Variants in HDAC9 observed in about 807,000 individuals in gnomAD.
HDAC9 encodes the protein MEF-2 interacting transcription repressor (MITR) protein.
A neutral mutation model predicts 139.4 loss-of-function variants in HDAC9; 41 were observed. The observed-to-expected ratio is 0.29, with a 90% confidence interval of 0.23 to 0.38. HDAC9 has a LOEUF of 0.38. HDAC9 is among the 10% of genes least tolerant of loss of function. The pLI, the probability that HDAC9 is intolerant of heterozygous loss-of-function variation, is 1.00. For synonymous variants in HDAC9, 517 were observed against 476.2 expected (o/e 1.09, Z -1.12); for missense variants, 1,147 against 1,297.0 (o/e 0.88, Z 1.78).
chr7:18,506,713 A>G (rs1206051739), intron 2 of HDAC9, among the ~76,000 whole-genome samples: 1 of 152,200 alleles, frequency 6.6e-6, no homozygotes, highest in Non-Finnish European at 1.5e-5. Flanking sequence ...TTAATAATAA[A>G]TAACACCAAT....
At chr7:18,841,509 A>G (rs887972768) in intron 21 of HDAC9, among the ~76,000 whole-genome samples, 5 of 152,056 alleles carry the variant, frequency 3.3e-5, no homozygotes, top group African/African-American at 1.2e-4. Flanking sequence ...TTCCACAGGC[A>G]GTTACCACGC....
At chr7:18,351,458 A>G (rs1782842437) in intron 1 of HDAC9, among the ~76,000 whole-genome samples, 1 of 152,150 alleles carries the variant, frequency 6.6e-6, no homozygotes, top group Non-Finnish European at 1.5e-5. Context: ...AAATCCCCCA[A>G]AACAAAAAAA....
intron 22 of HDAC9, among the ~76,000 whole-genome samples, chr7:18,880,820 A>T (rs1241237801): frequency 2.2e-5 from 3 of 135,124 alleles, no homozygotes; most frequent in African/African-American, 8.3e-5. Context: ...TAAGTGATTT[A>T]AAAAAGAATA....
intron 2 of HDAC9, among the ~76,000 whole-genome samples, chr7:18,188,563 T>C (rs1345651601): frequency 6.6e-6 from 1 of 152,154 alleles, no homozygotes; most frequent in Non-Finnish European, 1.5e-5. Flanking sequence ...ACAGGCAACT[T>C]ACAGAATGGG....
intron 17 of HDAC9, among the ~76,000 whole-genome samples, chr7:18,821,191 A>G (rs1039528596): frequency 1.3e-5 from 2 of 152,358 alleles, no homozygotes; most frequent in Non-Finnish European, 2.9e-5. Context: ...TTATGATAGG[A>G]AATGCTCTCA....
chr7:18,254,549 C>T (rs1395571964), intron 2 of HDAC9, among the ~76,000 whole-genome samples: 1 of 152,176 alleles, frequency 6.6e-6, no homozygotes, highest in Admixed American at 6.5e-5. Context: ...TTCCAGTTGG[C>T]TAGAGTAGCA....
At chr7:18,892,806 C>T (rs1462978424) in intron 22 of HDAC9, among the ~76,000 whole-genome samples, 1 of 152,062 alleles carries the variant, frequency 6.6e-6, no homozygotes, top group Non-Finnish European at 1.5e-5. Context: ...TTGTCCCAGA[C>T]ATAAAATGCA....
At chr7:18,451,376 T>TGTGTGC (rs1472360180) in intron 1 of HDAC9, among the ~76,000 whole-genome samples, 2 of 127,812 alleles carry the variant, frequency 1.6e-5, no homozygotes, top group Non-Finnish European at 3.5e-5. Flanking sequence ...TGCGTGTGTG[T>TGTGTGC]GTGTGTGTGT....
intron 16 of HDAC9, among the ~76,000 whole-genome samples, chr7:18,779,329 TCACAAGGGAGAAGGGAAAA>T (rs1440225408): frequency 5.0e-4 from 76 of 152,126 alleles, no homozygotes; most frequent in African/African-American, 1.7e-3. Context: ...GCATGTTGTA[TCACAAGGGAGAAGGGAAAA>T]CACCCATTGT....
chr7:18,988,277 G>A (rs1785545573), intron 25 of HDAC9, among the ~76,000 whole-genome samples: 1 of 151,832 alleles, frequency 6.6e-6, no homozygotes, highest in Non-Finnish European at 1.5e-5. Context: ...TGTTCTCGTT[G>A]GTTTCAAAGA....
chr7:18,719,350 T>C (rs977069295), intron 12 of HDAC9, among the ~76,000 whole-genome samples: 1 of 140,102 alleles, frequency 7.1e-6, no homozygotes, highest in Non-Finnish European at 1.5e-5. Context: ...TTTTTTTTTT[T>C]TTTTTTTGAG....
intron 21 of HDAC9, among the ~76,000 whole-genome samples, chr7:18,853,065 G>C (rs1797420903): frequency 1.3e-5 from 2 of 152,264 alleles, no homozygotes; most frequent in South Asian, 4.1e-4. Context: ...AAAGTGTTCA[G>C]AATGTGGACT....
At chr7:18,137,518 T>C (rs920941756) in intron 1 of HDAC9, among the ~76,000 whole-genome samples, 53 of 151,896 alleles carry the variant, frequency 3.5e-4, no homozygotes, top group Admixed American at 2.7e-3. Flanking sequence ...GCATGAAGGG[T>C]TGTTGAATTT....
At chr7:18,815,057 G>A (rs145425330) in intron 17 of HDAC9, among the ~76,000 whole-genome samples, 296 of 152,144 alleles carry the variant, frequency 1.9e-3, no homozygotes, top group Non-Finnish European at 3.1e-3. Context: ...TGGGGCATTC[G>A]TTGGTACAGT....
intron 2 of HDAC9, among the ~76,000 whole-genome samples, chr7:18,223,128 A>G (rs1176424168): frequency 1.3e-5 from 2 of 152,060 alleles, no homozygotes; most frequent in African/African-American, 4.8e-5. Flanking sequence ...GTGGGCCTTT[A>G]TGTTTCTCTC....
At chr7:18,395,203 C>CA (rs1429701558) in intron 1 of HDAC9, 11 of 152,048 alleles carry the variant, frequency 7.2e-5, no homozygotes, top group Non-Finnish European at 1.3e-4. Context: ...GGCTTTGAGT[C>CA]ACGGTTCTTC....
At chr7:18,122,752 G>T (rs1784431112) in intron 1 of HDAC9, among the ~76,000 whole-genome samples, 1 of 152,086 alleles carries the variant, frequency 6.6e-6, no homozygotes, top group South Asian at 2.1e-4. Flanking sequence ...CTGAGTAGCT[G>T]GGATTACAGG....
chr7:18,438,431 A>G (rs1448236362), intron 1 of HDAC9, among the ~76,000 whole-genome samples: 1 of 152,196 alleles, frequency 6.6e-6, no homozygotes, highest in Non-Finnish European at 1.5e-5. Flanking sequence ...ACACTTTGCC[A>G]GTCATTGGAC....
At chr7:18,498,051 G>C (rs1296465478) in intron 2 of HDAC9, among the ~76,000 whole-genome samples, 1 of 152,090 alleles carries the variant, frequency 6.6e-6, no homozygotes, top group Non-Finnish European at 1.5e-5. Context: ...GCTTTGGCCA[G>C]TTCTACAAGA....
Sources: allele counts gnomAD v4.1 joint callset (sites outside exome capture counted in the v4.1 genomes callset), GRCh38; gene constraint gnomAD v4.1.1; transcripts MANE v1.5; gene names NCBI Gene and HGNC (gene_info 2026-07-23, HGNC 2026-07-21).